The following SFMBT1 variants were observed in gnomAD, a reference collection of about 807,000 sequenced individuals.
The protein encoded by SFMBT1 is scm-like with four MBT domains protein 1.
A neutral mutation model predicts 108.7 loss-of-function variants in SFMBT1; 32 were observed. That is an observed-to-expected ratio of 0.29 (90% CI 0.22 to 0.40). SFMBT1 has a LOEUF of 0.40. Ranked by LOEUF, SFMBT1 falls within the 10% of genes least tolerant of loss-of-function variation. The probability of loss-of-function intolerance (pLI) is 1.00; values close to 1 mark genes in which losing one functional copy is unlikely to be tolerated. For missense variants in SFMBT1, 816 were observed against 1,059.6 expected, an observed-to-expected ratio of 0.77 and a Z score of 3.19; for synonymous variants, 348 against 369.5, an observed-to-expected ratio of 0.94 and a Z score of 0.67.
In SFMBT1 at chr3:52,931,180, A is replaced by G. The variant is rs989525089; in HGVS notation, c.701-145T>C. The G allele has an allele frequency of 7.4e-6, 5 of 675,120 alleles. 1 individual carries two copies. In the Admixed American group the frequency reaches 1.1e-4, roughly 15 times the overall value. 41.8% of individuals were successfully genotyped at this position (675,120 alleles called of 1,614,324 possible). A position where few individuals can be genotyped will look rare whatever the true frequency, so the allele number is the denominator to read the frequency against. The stretch of plus-strand genomic sequence containing the variant: ...AGCCCACTTATATCCCTTTACATTC[A>G]AAGAACTTGCACCTTAACTTCAGTA... On this transcript the variant is annotated intron_variant, in intron 6 of 20. Transcript: ENST00000394752.
At chr3:52,984,786 G>C (rs1322778716) in intron 1 of SFMBT1, among the ~76,000 whole-genome samples, 1 of 142,066 alleles carries the variant, frequency 7.0e-6, no homozygotes, top group Non-Finnish European at 1.5e-5. Flanking sequence ...ATACTATAAT[G>C]ATTCATACTA....
At chr3:53,015,394 A>G (rs9819981) in intron 1 of SFMBT1, among the ~76,000 whole-genome samples, 9 of 152,286 alleles carry the variant, frequency 5.9e-5, no homozygotes, top group South Asian at 2.1e-4. Context: ...AAAGTTAAAC[A>G]TAAGAGTTAC....
intron 6 of SFMBT1, among the ~76,000 whole-genome samples, 157 bp from the exon 7 acceptor site, chr3:52,931,192 C>T (rs947623973): frequency 6.6e-6 from 1 of 152,204 alleles, no homozygotes; most frequent in Non-Finnish European, 1.5e-5. Flanking sequence ...AGAACTTGCA[C>T]CTTAACTTCA....
At chr3:53,032,036 T>C (rs756474864) in intron 1 of SFMBT1, among the ~76,000 whole-genome samples, 18 of 152,342 alleles carry the variant, frequency 1.2e-4, no homozygotes, top group Middle Eastern at 3.4e-3. Context: ...TTTGCTGAGC[T>C]GAACCCTCCA....
intron 5 of SFMBT1, 26 bp downstream of exon 5, chr3:52,934,787 C>G: frequency 1.3e-6 from 2 of 1,579,584 alleles, no homozygotes; most frequent in Non-Finnish European, 1.7e-6. Flanking sequence ...GTTTTCCATG[C>G]TGATGTGGCA....
intron 4 of SFMBT1, 101 bp from the exon 5 acceptor site, chr3:52,935,002 G>C: frequency 1.1e-6 from 1 of 923,094 alleles, no homozygotes; most frequent in Non-Finnish European, 1.7e-6. Flanking sequence ...CACATTTTAA[G>C]ATCTAAGAGT....
chr3:52,919,393 G>C (rs1702452151), intron 12 of SFMBT1, among the ~76,000 whole-genome samples: 1 of 152,188 alleles, frequency 6.6e-6, no homozygotes, highest in African/African-American at 2.4e-5. Context: ...TGAACTCTGA[G>C]AGCAGTACAC....
At chr3:52,953,469 T>C (rs1559524721) in intron 3 of SFMBT1, among the ~76,000 whole-genome samples, 2 of 151,734 alleles carry the variant, frequency 1.3e-5, no homozygotes, top group Non-Finnish European at 1.5e-5. Context: ...TAGGTCTAGA[T>C]ATAAATTATA....
At chr3:53,010,101 T>G (rs1483837658) in intron 1 of SFMBT1, among the ~76,000 whole-genome samples, 2 of 152,046 alleles carry the variant, frequency 1.3e-5, no homozygotes, top group Non-Finnish European at 2.9e-5. Context: ...TCCCTTTGCC[T>G]CAAGCCAATA....
chr3:53,045,772 G>T, intron 1 of SFMBT1, 44 bp downstream of exon 1: 1 of 150,300 alleles, frequency 6.7e-6, no homozygotes, highest in South Asian at 2.0e-4. Flanking sequence ...CGCCCCTCCA[G>T]GCCGCCGCGC....
chr3:53,015,636 T>C (rs940213139), intron 1 of SFMBT1, among the ~76,000 whole-genome samples: 6 of 152,174 alleles, frequency 3.9e-5, no homozygotes, highest in Middle Eastern at 3.2e-3. Flanking sequence ...ACACACAATA[T>C]GGATGAACTT....
chr3:52,930,360 G>A lies in SFMBT1; in HGVS notation c.866C>T (p.Pro289Leu), dbSNP rs1310686647. 1.2e-6 allele frequency: 2 copies of A among 1,611,862 alleles called. No individual in the cohort carries two copies. The highest frequency in any genetic ancestry group is 3.3e-5 in the Admixed American group (2 of 60,026). ...AACTGTAGCAGGAGAGATCCCAAAAGGAGACCAGGGGTCTACAGCTTCCAA... is the reference window on the plus strand; with the variant it reads ...AACTGTAGCAGGAGAGATCCCAAAAAGAGACCAGGGGTCTACAGCTTCCAA... The part of the protein sequence containing the change: ...MKLEAVDPWS[P>L]FGISPATVVK... Residue 289 changes from proline (P) to leucine (L), a missense_variant, in exon 8 of 21, where the codon CCT (proline) becomes CTT (leucine). Physicochemically the swap from Pro to Leu is moderately conservative, Grantham distance 98 (BLOSUM62 -3). Around this residue, in one of 5 missense-constraint regions of SFMBT1, gnomAD observed 495 missense variants for 607.4 expected, o/e 0.81. Transcript: ENST00000394752.
At chr3:52,972,482 G>A (rs747035597) in intron 1 of SFMBT1, among the ~76,000 whole-genome samples, 19 of 152,074 alleles carry the variant, frequency 1.2e-4, no homozygotes, top group African/African-American at 3.9e-4. Flanking sequence ...CTATCCAGGC[G>A]CTTAGTATAT....
intron 1 of SFMBT1, among the ~76,000 whole-genome samples, chr3:53,038,175 C>T (rs981358143): frequency 6.6e-6 from 1 of 152,172 alleles, no homozygotes; most frequent in Admixed American, 6.5e-5. Context: ...ACTCAGGAGG[C>T]TGAGGCAGGA....
chr3:52,998,137 C>A (rs574856373), intron 1 of SFMBT1, among the ~76,000 whole-genome samples: 5 of 150,186 alleles, frequency 3.3e-5, no homozygotes, highest in African/African-American at 9.7e-5. Context: ...TAGATCAGGT[C>A]GGGCACGGTG....
chr3:52,969,454 T>TC (rs1704266491), intron 1 of SFMBT1, among the ~76,000 whole-genome samples, 196 bp from the exon 2 acceptor site: 1 of 152,152 alleles, frequency 6.6e-6, no homozygotes, highest in Non-Finnish European at 1.5e-5. Flanking sequence ...CTCATGTGCG[T>TC]CTGTATGTGT....
chr3:52,919,299 TAAAC>T (rs71615875), intron 12 of SFMBT1, among the ~76,000 whole-genome samples: 36,876 of 151,902 alleles, frequency 0.24, 4,770 homozygotes, highest in Admixed American at 0.37. Context: ...GTTAAATAGA[TAAAC>T]AAAATGTGTC....
chr3:53,003,354 G>A (rs1305699045), intron 1 of SFMBT1, among the ~76,000 whole-genome samples: 2 of 149,200 alleles, frequency 1.3e-5, no homozygotes, highest in African/African-American at 2.4e-5. Context: ...AACGTATTAC[G>A]GCTTAAAAAG....
intron 12 of SFMBT1, among the ~76,000 whole-genome samples, chr3:52,919,810 G>A (rs1468875864): frequency 6.6e-6 from 1 of 152,202 alleles, no homozygotes; most frequent in Non-Finnish European, 1.5e-5. Context: ...CCAGCAAGGA[G>A]CTCAGGCCCT....
Sources: allele counts gnomAD v4.1 joint callset (sites outside exome capture counted in the v4.1 genomes callset), GRCh38; gene constraint gnomAD v4.1.1; regional missense constraint gnomAD v4.1.1; transcripts MANE v1.5; gene names NCBI Gene and HGNC (gene_info 2026-07-23, HGNC 2026-07-21).